The following DLGAP2 variants were observed in gnomAD, a reference collection of about 807,000 sequenced individuals.
DLGAP2 encodes DLG associated protein 2, also known as disks large-associated protein 2.
A neutral mutation model predicts 100.3 loss-of-function variants in DLGAP2; 26 were observed. The observed-to-expected ratio is 0.26, with a 90% confidence interval of 0.19 to 0.36. DLGAP2 has a LOEUF of 0.36. Among genes scored for constraint, DLGAP2 ranks in the 10% least tolerant of loss-of-function variants. DLGAP2 has a pLI of 1.00. For synonymous variants in DLGAP2, 886 were observed against 630.1 expected (o/e 1.41, Z -6.08); for missense variants, 1,858 against 1,453.2 (o/e 1.28, Z -4.53).
chr8:989,852 A>T (rs1223650322), intron 2 of DLGAP2, among the ~76,000 whole-genome samples: 2 of 152,142 alleles, frequency 1.3e-5, no homozygotes, highest in Non-Finnish European at 2.9e-5. Flanking sequence ...CTCTCATGAC[A>T]CCAGCTGCTC....
At chr8:949,684 C>G (rs895187848) in intron 2 of DLGAP2, among the ~76,000 whole-genome samples, 3 of 152,212 alleles carry the variant, frequency 2.0e-5, no homozygotes, top group African/African-American at 4.8e-5. Flanking sequence ...GTTCCCACCC[C>G]CCTTGCAGTG....
At chr8:1,372,997 G>A (rs764803843) in intron 3 of DLGAP2, among the ~76,000 whole-genome samples, 1 of 152,210 alleles carries the variant, frequency 6.6e-6, no homozygotes, top group East Asian at 1.9e-4. Flanking sequence ...TATGCAAGAT[G>A]ACAGTTTCGC....
At chr8:1,362,482 C>T (rs562257123) in intron 3 of DLGAP2, among the ~76,000 whole-genome samples, 1 of 152,252 alleles carries the variant, frequency 6.6e-6, no homozygotes, top group Admixed American at 6.5e-5. Flanking sequence ...GGCGGGGACA[C>T]CCGTCAGTGT....
intron 2 of DLGAP2, among the ~76,000 whole-genome samples, chr8:1,130,013 C>G (rs892503166): frequency 6.6e-6 from 1 of 152,154 alleles, no homozygotes; most frequent in Non-Finnish European, 1.5e-5. Flanking sequence ...GGATCCTGCG[C>G]GTGTAGCTCA....
chr8:985,455 A>C (rs953049478), intron 2 of DLGAP2, among the ~76,000 whole-genome samples: 5 of 152,250 alleles, frequency 3.3e-5, no homozygotes, highest in African/African-American at 7.2e-5. Flanking sequence ...GAGATCATCC[A>C]TGTGCCAGCA....
intron 1 of DLGAP2, among the ~76,000 whole-genome samples, chr8:789,788 A>G (rs191862360): frequency 1.1e-3 from 166 of 152,324 alleles, no homozygotes; most frequent in Non-Finnish European, 2.0e-3. Flanking sequence ...AATGCAGTTT[A>G]GAGACCTGGC....
At chr8:1,075,790 G>A (rs1323391795) in intron 2 of DLGAP2, among the ~76,000 whole-genome samples, 3 of 151,972 alleles carry the variant, frequency 2.0e-5, no homozygotes, top group African/African-American at 7.3e-5. Context: ...TCAGAGGCCG[G>A]GTGTCCCAAC....
rs1486746415 is a variant in DLGAP2, at chr8:1,476,447, G to GT, written c.107-24913dup. On this transcript the variant is annotated intron_variant, in intron 3 of 14. Transcript: ENST00000637795. ...CCAAGGGCGTCACCTGTTCCTTCCT[G>GT]TTTTTTATAGTTCGGCTGAGCGCAG... is the stretch of plus-strand genomic sequence containing the variant. Among the ~76,000 whole-genome samples the GT allele has an allele frequency of 3.9e-5, 6 of 152,094 alleles. No homozygotes were observed. In the East Asian group the frequency reaches 5.8e-4, roughly 15 times the overall value.
At chr8:1,298,441 G>A (rs1800244735) in intron 3 of DLGAP2, among the ~76,000 whole-genome samples, 1 of 152,182 alleles carries the variant, frequency 6.6e-6, no homozygotes, top group Admixed American at 6.5e-5. Flanking sequence ...GACACGTTCT[G>A]TACTGGGGTA....
chr8:1,145,298 G>A (rs889130191), intron 2 of DLGAP2, among the ~76,000 whole-genome samples: 1 of 152,090 alleles, frequency 6.6e-6, no homozygotes, highest in Non-Finnish European at 1.5e-5. Flanking sequence ...CCAGGAAGCC[G>A]CTGTTTTTAA....
At chr8:1,135,712 CA>C (rs928803535) in intron 2 of DLGAP2, among the ~76,000 whole-genome samples, 1 of 152,058 alleles carries the variant, frequency 6.6e-6, no homozygotes, top group Non-Finnish European at 1.5e-5. Context: ...TGAAAAAAGC[CA>C]AACCTCTCCA....
chr8:1,336,491 G>T (rs879182939), intron 3 of DLGAP2, among the ~76,000 whole-genome samples: 2 of 152,194 alleles, frequency 1.3e-5, no homozygotes, highest in Non-Finnish European at 2.9e-5. Flanking sequence ...GGACGTTCCA[G>T]TGTGCCACTG....
At chr8:1,358,873 A>G (rs1378429604) in intron 3 of DLGAP2, among the ~76,000 whole-genome samples, 2 of 150,602 alleles carry the variant, frequency 1.3e-5, no homozygotes, top group African/African-American at 2.4e-5. Context: ...GCTGTCTGCC[A>G]CACGAGGGTG....
intron 2 of DLGAP2, among the ~76,000 whole-genome samples, chr8:1,097,496 C>T (rs1369907362): frequency 2.2e-4 from 28 of 124,740 alleles, no homozygotes; most frequent in African/African-American, 3.4e-4. Flanking sequence ...CCTTCACCCT[C>T]TGTGGCATGG....
intron 1 of DLGAP2, among the ~76,000 whole-genome samples, chr8:747,818 GC>G (rs1238794886): frequency 4.4e-4 from 2 of 4,576 alleles, no homozygotes; most frequent in Non-Finnish European, 7.3e-4. Flanking sequence ...GGTGGGATGG[GC>G]GGGCCTGCGG....
chr8:952,234 C>T (rs1040425897), intron 2 of DLGAP2, among the ~76,000 whole-genome samples: 11 of 152,186 alleles, frequency 7.2e-5, no homozygotes, highest in Admixed American at 2.0e-4. Flanking sequence ...CCCAGTACAT[C>T]CTAGAGCCCA....
chr8:1,485,828 C>T (rs1310659769), intron 3 of DLGAP2, among the ~76,000 whole-genome samples: 1 of 152,158 alleles, frequency 6.6e-6, no homozygotes, highest in African/African-American at 2.4e-5. Context: ...AGTTTGAGAA[C>T]AGCCTGGCCA....
intron 2 of DLGAP2, among the ~76,000 whole-genome samples, chr8:1,072,503 C>T (rs994479218): frequency 3.3e-5 from 5 of 152,084 alleles, no homozygotes; most frequent in African/African-American, 4.8e-5. Context: ...GAACTCGACG[C>T]GTGTTTGATT....
At chr8:1,168,415 C>G (rs1044060368) in intron 2 of DLGAP2, among the ~76,000 whole-genome samples, 1 of 151,668 alleles carries the variant, frequency 6.6e-6, no homozygotes, top group South Asian at 2.1e-4. Context: ...ATGGCTGGGT[C>G]AAATGGTATT....
Sources: gnomAD v4.1 joint callset for allele counts (sites outside exome capture counted in the v4.1 genomes callset) on GRCh38, gnomAD v4.1.1 for gene constraint, MANE v1.5 for transcripts, NCBI Gene and HGNC (gene_info 2026-07-23, HGNC 2026-07-21) for gene names.